ALG1: variants seen among roughly 807,000 people sequenced by gnomAD.
ALG1 encodes the protein ALG1 chitobiosyldiphosphodolichol beta-mannosyltransferase.
A neutral mutation model predicts 55.1 loss-of-function variants in ALG1; 58 were observed. The ratio of observed to expected loss-of-function variants is 1.05; its 90% CI spans 0.85 to 1.31. ALG1 has a LOEUF of 1.31. Among genes scored for constraint, ALG1 ranks in the 50% most tolerant of loss-of-function variants. The pLI, the probability that ALG1 is intolerant of heterozygous loss-of-function variation, is 0.00. For synonymous variants in ALG1, 309 were observed against 247.0 expected (o/e 1.25, Z -2.35); for missense variants, 761 against 598.6 (o/e 1.27, Z -2.83).
chr16:5,079,313 A>G (rs897134039), intron 8 of ALG1, among the ~76,000 whole-genome samples: 2 of 152,198 alleles, frequency 1.3e-5, no homozygotes, highest in African/African-American at 4.8e-5. Context: ...CCAGGAGAGT[A>G]TCTCACACAG....
intron 4 of ALG1, 118 bp downstream of exon 4, chr16:5,075,654 G>T: frequency 7.9e-7 from 1 of 1,266,004 alleles, no homozygotes; most frequent in Non-Finnish European, 1.1e-6. Context: ...AGGAGGTGGG[G>T]TGAGGCTGGT....
At chr16:5,077,379 G>A (rs929053615) in intron 4 of ALG1, 66 bp from the exon 5 acceptor site, 14 of 1,366,344 alleles carry the variant, frequency 1.0e-5, no homozygotes, top group Middle Eastern at 1.8e-4. Flanking sequence ...GAGGGATGTC[G>A]AGTCACGCTG....
intron 3 of ALG1, 133 bp downstream of exon 3, chr16:5,073,389 C>T (rs1956853648): frequency 2.6e-6 from 2 of 772,584 alleles, no homozygotes; most frequent in South Asian, 1.5e-5. Context: ...TGAGTAGGAG[C>T]CTATGGTATG....
chr16:5,079,077 C>A lies in ALG1; in HGVS notation c.876C>A (p.Phe292Leu). 1 of 1,598,896 alleles carries A rather than the reference C, an allele frequency of 6.3e-7. No homozygotes were observed. Among genetic ancestry groups the A allele is most frequent in the Non-Finnish European group, 8.5e-7 (1 of 1,179,698 alleles). ...CTCTTCTCATAGAGGACGAAGACTT[C>A]TCCATCCTGCTGGCAGCTTTAGAAA... ...SSTSWTEDED[F>L]SILLAALEKF... The change falls in exon 8 of 13, where the codon TTC (phenylalanine) becomes TTA (leucine). Residue 292 changes from phenylalanine (F) to leucine (L), a missense_variant. Coordinates refer to ENST00000262374, the MANE Select transcript of ALG1 (RefSeq NM_019109.5).
intron 1 of ALG1, 96 bp from the exon 2 acceptor site, chr16:5,072,855 T>C: frequency 5.9e-6 from 7 of 1,176,818 alleles, no homozygotes; most frequent in Non-Finnish European, 9.0e-6. Flanking sequence ...TATCTTACTT[T>C]CCAAAACACT....
rs1956963397 is a variant in ALG1, at chr16:5,078,849, C to T, written c.833C>T (p.Ala278Val). 11 of 1,611,816 alleles carry T rather than the reference C, an allele frequency of 6.8e-6. No homozygotes were observed. The highest frequency in any genetic ancestry group is 9.3e-6 in the Non-Finnish European group (11 of 1,179,770). Residue 278 changes from alanine (A) to valine (V), a missense_variant, in exon 7 of 13, where the codon GCC becomes GTC. Transcript: ENST00000262374. ...GLVTRLRERP[A>V]LLVSSTSWTE... Reference sequence around the variant, plus strand: ...GTGACGCGTCTCCGTGAGCGGCCAGCCCTGCTGGTCAGCAGCACGAGCTGG... The same window carrying T: ...GTGACGCGTCTCCGTGAGCGGCCAGTCCTGCTGGTCAGCAGCACGAGCTGG...
At chr16:5,081,659 A>C (rs71390618) in intron 10 of ALG1, among the ~76,000 whole-genome samples, 453 of 152,234 alleles carry the variant, frequency 3.0e-3, no homozygotes, top group Admixed American at 4.8e-3. Flanking sequence ...CCTGGGTTCA[A>C]GCGATTTTCC....
chr16:5,081,694 C>T (rs547233197), intron 10 of ALG1, among the ~76,000 whole-genome samples: 10 of 151,182 alleles, frequency 6.6e-5, no homozygotes, highest in Non-Finnish European at 1.0e-4. Flanking sequence ...GAGTAGATTA[C>T]GGGATTACAG....
At chr16:5,074,486 T>C (rs1956873239) in intron 3 of ALG1, among the ~76,000 whole-genome samples, 1 of 152,190 alleles carries the variant, frequency 6.6e-6, no homozygotes, top group South Asian at 2.1e-4. Flanking sequence ...AATTCCAATA[T>C]GTGATGTACT....
In ALG1 at chr16:5,083,691, G is replaced by T; in HGVS notation, c.1197G>T (p.Glu399Asp). 1.2e-6 allele frequency: 2 copies of T among 1,600,714 alleles called. No homozygotes were observed. The change falls in exon 12 of 13, where the codon GAG becomes GAT. Residue 399 changes from glutamate to aspartate, a missense_variant. Glu to Asp is a conservative substitution (Grantham distance 45). Coordinates refer to ENST00000262374, the MANE Select transcript of ALG1 (RefSeq NM_019109.5). ...TTGGTTCTCTCTGCAGTTTACATGAGCTGGTGAAACATGAAGAAAATGGCC... is the reference window on the plus strand; with the variant it reads ...TTGGTTCTCTCTGCAGTTTACATGATCTGGTGAAACATGAAGAAAATGGCC... ...VCAVNFKCLHELVKHEENGLV... is the reference protein window; with the variant it reads ...VCAVNFKCLHDLVKHEENGLV...
At chr16:5,081,325 C>G (rs947330466) in intron 10 of ALG1, among the ~76,000 whole-genome samples, 11 of 152,216 alleles carry the variant, frequency 7.2e-5, no homozygotes, top group Non-Finnish European at 1.6e-4. Context: ...AGGGCTGGGC[C>G]TGGGGTTGGG....
chr16:5,076,894 A>T (rs1956924405), intron 4 of ALG1, among the ~76,000 whole-genome samples: 1 of 149,316 alleles, frequency 6.7e-6, no homozygotes, highest in Middle Eastern at 3.4e-3. Flanking sequence ...TTCTGGGTTC[A>T]AGCAATTCTC....
rs1485917504 is a variant in ALG1 at position 5,085,003 on chromosome 16, A to C, written c.*122A>C. ...AGTGGCCAGAAGCTGAAATGACAGC[A>C]GTGGTACTGCCTGGTAAAAGAATTG... On this transcript the variant is annotated 3_prime_UTR_variant, in exon 13 of 13. Transcript: ENST00000262374. 1 of 1,541,268 alleles carries C rather than the reference A, an allele frequency of 6.5e-7. No individual in the cohort carries two copies. The highest frequency in any genetic ancestry group is 1.4e-5 in the African/African-American group (1 of 73,640).
At position 5,086,782 on chromosome 16, in the gene ALG1, T is replaced by G. The variant is rs1957190488; in HGVS notation, c.*1901T>G. 6.6e-6 allele frequency: 1 copy of G among 152,268 alleles called. No homozygotes were observed. The highest frequency in any genetic ancestry group is 2.4e-5 in the African/African-American group (1 of 41,454). 9.4% of individuals were successfully genotyped at this position (152,268 alleles called of 1,614,324 possible). On this transcript the variant is annotated 3_prime_UTR_variant, in exon 13 of 13. Coordinates refer to ENST00000262374, the MANE Select transcript of ALG1 (RefSeq NM_019109.5). ...CCCAGGTTCAAGTGATTCTCCTGCCTCAGTCTCCCGAGTAGCTTTGACTAT... is the reference window on the plus strand; with the variant it reads ...CCCAGGTTCAAGTGATTCTCCTGCCGCAGTCTCCCGAGTAGCTTTGACTAT...
intron 9 of ALG1, among the ~76,000 whole-genome samples, 183 bp downstream of exon 9, chr16:5,079,990 A>C (rs1956987955): frequency 6.6e-6 from 1 of 151,584 alleles, no homozygotes; most frequent in Non-Finnish European, 1.5e-5. Flanking sequence ...GGGAGCCCAG[A>C]TTTGAATCTG....
chr16:5,077,464 C>T lies in ALG1; in HGVS notation c.559C>T (p.Arg187Cys), dbSNP rs183132575. Reference sequence around the variant, plus strand: ...TTTCAGGTACGAGAAGTTCTTTGGGCGCCTGTCCCACCTGAACCTGTGTGT... The same window carrying T: ...TTTCAGGTACGAGAAGTTCTTTGGGTGCCTGTCCCACCTGAACCTGTGTGT... Reference protein sequence around the residue: ...LAKWYEKFFGRLSHLNLCVTN... With the variant: ...LAKWYEKFFGCLSHLNLCVTN... The change falls in exon 5 of 13, where the codon CGC becomes TGC. Residue 187 changes from arginine to cysteine, a missense_variant. Physicochemically the swap from Arg to Cys is radical, Grantham distance 180. Transcript: ENST00000262374. The T allele has an allele frequency of 2.5e-5, 41 of 1,614,122 alleles. No individual in the cohort carries two copies. The highest frequency in any genetic ancestry group is 2.0e-4 in the East Asian group (9 of 44,878).
intron 1 of ALG1, among the ~76,000 whole-genome samples, chr16:5,072,687 G>C (rs1956838522): frequency 6.6e-6 from 1 of 152,148 alleles, no homozygotes; most frequent in East Asian, 1.9e-4. Context: ...AGACAATCTA[G>C]ATTAGTTTAA....
intron 3 of ALG1, 48 bp downstream of exon 3, chr16:5,073,304 T>G: frequency 6.4e-7 from 1 of 1,550,464 alleles, no homozygotes; most frequent in Non-Finnish European, 8.9e-7. Context: ...GTTAGCAGTT[T>G]ACTTTCCAGC....
chr16:5,079,717 C>T (rs370789419), intron 8 of ALG1, 31 bp from the exon 9 acceptor site: 1 of 1,608,582 alleles, frequency 6.2e-7, no homozygotes, highest in Admixed American at 1.7e-5. Context: ...TCAGAAATTC[C>T]ATGTAGAATT....
Sources: allele counts gnomAD v4.1 joint callset (sites outside exome capture counted in the v4.1 genomes callset), GRCh38; gene constraint gnomAD v4.1.1; transcripts MANE v1.5; gene names NCBI Gene and HGNC (gene_info 2026-07-23, HGNC 2026-07-21).